ZFHX4: variants seen among roughly 807,000 people sequenced by gnomAD.
ZFHX4 encodes zinc finger homeobox 4, also known as zinc finger homeobox protein 4.
Under a neutral mutation model 267.6 loss-of-function variants are expected in ZFHX4, and 56 were observed. The observed-to-expected ratio is 0.21, with a 90% CI of 0.17 to 0.26. The LOEUF is 0.26. Ranked by LOEUF, ZFHX4 falls within the 10% of genes least tolerant of loss-of-function variation. ZFHX4 has a pLI of 1.00. For missense variants in ZFHX4, 4,332 were observed against 4,420.0 expected (o/e 0.98, Z 0.56); for synonymous variants, 1,778 against 1,665.6 (o/e 1.07, Z -1.64).
chr8:76,766,807 T>C (rs1438962322), intron 3 of ZFHX4, among the ~76,000 whole-genome samples: 20 of 152,024 alleles, frequency 1.3e-4, no homozygotes, highest in Non-Finnish European at 1.5e-5. Flanking sequence ...ACAAATGGTA[T>C]TGTTATTACT....
intron 3 of ZFHX4, among the ~76,000 whole-genome samples, chr8:76,760,928 CAAAAAAAAAAA>C (rs771069673): frequency 1.6e-5 from 1 of 64,134 alleles, no homozygotes; most frequent in Admixed American, 1.9e-4. Flanking sequence ...GACCCTGCCT[CAAAAAAAAAAA>C]AAAAAAAAAA....
intron 4 of ZFHX4, among the ~76,000 whole-genome samples, chr8:76,796,556 G>A (rs913003457): frequency 1.2e-4 from 19 of 152,048 alleles, no homozygotes; most frequent in Admixed American, 5.2e-4. Flanking sequence ...CACACTTGCC[G>A]CTGGGCTTTG....
chr8:76,791,713 T>C (rs987391193), intron 4 of ZFHX4, among the ~76,000 whole-genome samples: 1 of 152,144 alleles, frequency 6.6e-6, no homozygotes, highest in Non-Finnish European at 1.5e-5. Flanking sequence ...TCACCTAACA[T>C]CTCAGAGATT....
At position 76,849,424 on chromosome 8, in the gene ZFHX4, A is replaced by C. The variant is rs141895584; in HGVS notation, c.3646-88A>C. On this transcript the variant is annotated intron_variant, in intron 7 of 10. Coordinates refer to ENST00000651372, the MANE Select transcript of ZFHX4 (RefSeq NM_024721.5). ...ACACATTGTAAGCATGTACCAAAATATCACACGTACCCCCAAAATACAACT... is the reference window on the plus strand; with the variant it reads ...ACACATTGTAAGCATGTACCAAAATCTCACACGTACCCCCAAAATACAACT... 3.2e-6 allele frequency: 4 copies of C among 1,243,982 alleles called. No homozygotes were observed. In the East Asian group the frequency reaches 9.4e-5, roughly 29 times the overall value. 77.1% of individuals were successfully genotyped at this position (1,243,982 alleles called of 1,614,324 possible). A position where few individuals can be genotyped will look rare whatever the true frequency, so the allele number is the denominator to read the frequency against.
At chr8:76,760,303 C>T (rs745479326) in intron 3 of ZFHX4, among the ~76,000 whole-genome samples, 9 of 152,094 alleles carry the variant, frequency 5.9e-5, no homozygotes, top group Admixed American at 1.3e-4. Flanking sequence ...ATGTGGATTG[C>T]GGCCTTTGAG....
At chr8:76,794,099 A>C (rs893404060) in intron 4 of ZFHX4, among the ~76,000 whole-genome samples, 1 of 152,178 alleles carries the variant, frequency 6.6e-6, no homozygotes, top group Non-Finnish European at 1.5e-5. Flanking sequence ...TACTTCTATT[A>C]AAAGCAGAAC....
At chr8:76,789,329 G>C (rs1428746710) in intron 4 of ZFHX4, among the ~76,000 whole-genome samples, 2 of 152,160 alleles carry the variant, frequency 1.3e-5, no homozygotes, top group East Asian at 3.9e-4. Flanking sequence ...GTGCTCTAAT[G>C]GGGAATCATA....
intron 4 of ZFHX4, among the ~76,000 whole-genome samples, chr8:76,824,767 T>G (rs1232219688): frequency 3.3e-5 from 5 of 152,018 alleles, no homozygotes; most frequent in Non-Finnish European, 4.4e-5. Flanking sequence ...AGAGACAGGG[T>G]CTCCCTTTGT....
intron 4 of ZFHX4, among the ~76,000 whole-genome samples, chr8:76,809,053 A>C (rs1443826683): frequency 6.6e-6 from 1 of 151,984 alleles, no homozygotes. Flanking sequence ...TACATCTCCA[A>C]AGATTTGAAT....
intron 4 of ZFHX4, among the ~76,000 whole-genome samples, chr8:76,809,674 G>T (rs1380680119): frequency 6.6e-6 from 1 of 151,990 alleles, no homozygotes; most frequent in Admixed American, 6.6e-5. Flanking sequence ...ACTTTTATGA[G>T]GCCACTAATT....
chr8:76,681,433 C>A lies in ZFHX4; in HGVS notation c.-234C>A. ...ACTCCTCCCGGACCCCCGAGGACCG[C>A]TCCATGCCCCCCACTTTCTGCTCCA... On this transcript the variant is annotated 5_prime_UTR_variant, in exon 1 of 11. Transcript: ENST00000651372. 1 of 398,778 alleles carries A rather than the reference C, an allele frequency of 2.5e-6. No individual in the cohort carries two copies. The highest frequency in any genetic ancestry group is 4.4e-6 in the Non-Finnish European group (1 of 226,058). The allele number at this position is 398,778 out of a possible 1,614,324, so 24.7% of individuals were successfully genotyped here.
chr8:76,850,973 C>G lies in ZFHX4; in HGVS notation c.4052C>G (p.Thr1351Ser). The G allele has an allele frequency of 6.2e-7, 1 of 1,613,740 alleles. No homozygotes were observed. The highest frequency in any genetic ancestry group is 2.2e-5 in the East Asian group (1 of 44,826). ...VEVKNEEQKP[T>S]KEPLEVSEWN... ...GTAAAGAATGAGGAGCAGAAACCGACTAAAGAACCCTTGGAAGTCTCAGAA... is the reference window on the plus strand; with the variant it reads ...GTAAAGAATGAGGAGCAGAAACCGAGTAAAGAACCCTTGGAAGTCTCAGAA... The change falls in exon 10 of 11, where the codon ACT (threonine) becomes AGT (serine). Residue 1351 changes from threonine to serine, a missense_variant. Physicochemically the swap from Thr to Ser is moderately conservative, Grantham distance 58. Coordinates refer to ENST00000651372, the MANE Select transcript of ZFHX4 (RefSeq NM_024721.5).
intron 4 of ZFHX4, among the ~76,000 whole-genome samples, chr8:76,803,284 G>A (rs1325722676): frequency 6.6e-6 from 1 of 151,696 alleles, no homozygotes; most frequent in African/African-American, 2.4e-5. Context: ...GTGTGTGTGT[G>A]GTATGACCGA....
At chr8:76,726,932 G>A (rs768588730) in intron 3 of ZFHX4, among the ~76,000 whole-genome samples, 1 of 152,138 alleles carries the variant, frequency 6.6e-6, no homozygotes, top group Admixed American at 6.6e-5. Context: ...AAAAGAAGAA[G>A]TTTATCTTAA....
At chr8:76,862,793 G>GT (rs1812904712) in intron 10 of ZFHX4, among the ~76,000 whole-genome samples, 1 of 152,124 alleles carries the variant, frequency 6.6e-6, no homozygotes, top group Non-Finnish European at 1.5e-5. Context: ...TCACGATGAT[G>GT]TTTTTTGTTA....
chr8:76,861,602 G>A (rs1218880177), intron 10 of ZFHX4, among the ~76,000 whole-genome samples: 1 of 151,942 alleles, frequency 6.6e-6, no homozygotes, highest in Non-Finnish European at 1.5e-5. Context: ...ATAAGGATAA[G>A]GGTCAAGGAA....
At chr8:76,792,474 A>G (rs911499979) in intron 4 of ZFHX4, among the ~76,000 whole-genome samples, 3 of 152,224 alleles carry the variant, frequency 2.0e-5, no homozygotes, top group Non-Finnish European at 2.9e-5. Context: ...TTTATTCCCA[A>G]TAAGAAATAT....
chr8:76,752,256 A>C (rs1164729992), intron 3 of ZFHX4, among the ~76,000 whole-genome samples: 2 of 152,072 alleles, frequency 1.3e-5, no homozygotes, highest in Non-Finnish European at 2.9e-5. Flanking sequence ...ATATTGGTTC[A>C]TTCATAAATG....
chr8:76,822,574 G>A (rs371185014), intron 4 of ZFHX4, among the ~76,000 whole-genome samples: 5 of 149,576 alleles, frequency 3.3e-5, no homozygotes, highest in East Asian at 4.0e-4. Flanking sequence ...TGAGTAACTC[G>A]GACTACAGGT....
Sources: gnomAD v4.1 joint callset for allele counts (sites outside exome capture counted in the v4.1 genomes callset) on GRCh38, gnomAD v4.1.1 for gene constraint, MANE v1.5 for transcripts, NCBI Gene and HGNC (gene_info 2026-07-23, HGNC 2026-07-21) for gene names.